Variants in LCMT1 observed in about 807,000 individuals in gnomAD.
LCMT1 encodes the protein leucine carboxyl methyltransferase 1.
LCMT1 carries 32 observed loss-of-function variants against 47.7 expected under a neutral mutation model. The observed-to-expected ratio is 0.67, with a 90% CI of 0.51 to 0.90. The LOEUF is 0.90. Ranked by LOEUF, LCMT1 falls within the 40% of genes least tolerant of loss-of-function variation. LCMT1 has a pLI of 0.00. For missense variants in LCMT1, 375 were observed against 415.2 expected (o/e 0.90, Z 0.84); for synonymous variants, 152 against 149.7 (o/e 1.02, Z -0.11).
intron 1 of LCMT1, among the ~76,000 whole-genome samples, chr16:25,125,473 A>G (rs1026687953): frequency 1.3e-5 from 2 of 152,180 alleles, no homozygotes; most frequent in African/African-American, 4.8e-5. Context: ...TGATTGTGCC[A>G]GTTTAAGGTT....
intron 1 of LCMT1, among the ~76,000 whole-genome samples, chr16:25,128,132 C>T (rs1262707482): frequency 6.6e-6 from 1 of 152,126 alleles, no homozygotes; most frequent in African/African-American, 2.4e-5. Context: ...TAGCTCTGGC[C>T]ATGAGTTTGC....
At chr16:25,117,417 A>G (rs960611786) in intron 1 of LCMT1, among the ~76,000 whole-genome samples, 24 of 152,204 alleles carry the variant, frequency 1.6e-4, no homozygotes, top group Non-Finnish European at 1.5e-5. Flanking sequence ...CTAGCCTGAT[A>G]GGCCGCCGGC....
At chr16:25,154,215 T>C (rs1409701576) in intron 5 of LCMT1, among the ~76,000 whole-genome samples, 7 of 151,348 alleles carry the variant, frequency 4.6e-5, no homozygotes, top group Non-Finnish European at 5.9e-5. Context: ...GGTTTCAGCA[T>C]GTTGGTCAGG....
At chr16:25,175,967 A>T (rs1240415976) in intron 10 of LCMT1, among the ~76,000 whole-genome samples, 3 of 152,160 alleles carry the variant, frequency 2.0e-5, no homozygotes, top group Admixed American at 6.5e-5. Context: ...AGAGTTTAAA[A>T]ATCTCTAGAA....
At chr16:25,143,154 G>A (rs543841472) in intron 4 of LCMT1, 2 of 152,234 alleles carry the variant, frequency 1.3e-5, no homozygotes, top group African/African-American at 2.4e-5. Context: ...GTCCTAAATC[G>A]ATACTGTAAT....
intron 4 of LCMT1, chr16:25,149,161 G>C (rs1960987292): frequency 1.3e-5 from 2 of 152,206 alleles, no homozygotes; most frequent in Admixed American, 1.3e-4. Flanking sequence ...CTGCGGGCGG[G>C]GCGACATGCA....
chr16:25,170,271 A>G (rs547298791), intron 8 of LCMT1, among the ~76,000 whole-genome samples: 10 of 152,152 alleles, frequency 6.6e-5, no homozygotes, highest in Admixed American at 5.2e-4. Context: ...CTTTTGTCAC[A>G]TAACAATTAG....
At chr16:25,139,034 G>C (rs976882962) in intron 3 of LCMT1, among the ~76,000 whole-genome samples, 5 of 151,962 alleles carry the variant, frequency 3.3e-5, no homozygotes, top group African/African-American at 1.2e-4. Context: ...CCGTTTCCCG[G>C]GTTCAAGCAA....
At chr16:25,148,220 A>C (rs971065791) in intron 4 of LCMT1, 3 of 152,310 alleles carry the variant, frequency 2.0e-5, no homozygotes, top group African/African-American at 7.2e-5. Context: ...CAGCAGGTCC[A>C]GGTTCTACTG....
chr16:25,120,750 TTG>T lies in LCMT1; in HGVS notation c.114-7723_114-7722del, dbSNP rs1304605798. Among the ~76,000 whole-genome samples, 120 of 143,848 alleles carry T rather than the reference TTG, an allele frequency of 8.3e-4. 3 individuals carry two copies. The highest frequency in any genetic ancestry group is 3.1e-3 in the African/African-American group (116 of 37,878). 94.4% of individuals were successfully genotyped at this position (143,848 alleles called of 152,430 possible). ...GGCCTTGTTTTTTTGTTTTTTTTTT[TTG>T]TTTTTTTTTTTTTGAGATGAGGTCT... On this transcript the variant is annotated intron_variant, in intron 1 of 10. Coordinates refer to ENST00000399069, the MANE Select transcript of LCMT1 (RefSeq NM_016309.3).
chr16:25,164,357 A>G (rs911743260), intron 6 of LCMT1, among the ~76,000 whole-genome samples: 1 of 152,170 alleles, frequency 6.6e-6, no homozygotes, highest in Non-Finnish European at 1.5e-5. Context: ...TCCACCACAC[A>G]TGCTCAACAT....
chr16:25,153,144 T>A (rs1961131206), intron 5 of LCMT1, among the ~76,000 whole-genome samples: 1 of 152,154 alleles, frequency 6.6e-6, no homozygotes, highest in Non-Finnish European at 1.5e-5. Context: ...AGCCCACTCC[T>A]CCAGATTCTT....
At chr16:25,166,728 T>G (rs1961602556) in intron 7 of LCMT1, among the ~76,000 whole-genome samples, 1 of 152,210 alleles carries the variant, frequency 6.6e-6, no homozygotes, top group South Asian at 2.1e-4. Context: ...GGCTAGCCCT[T>G]GGTCTCTCAG....
At chr16:25,171,821 G>T (rs779081975) in intron 9 of LCMT1, among the ~76,000 whole-genome samples, 27 of 152,176 alleles carry the variant, frequency 1.8e-4, no homozygotes, top group Non-Finnish European at 1.0e-4. Context: ...GGAGGTAGCA[G>T]TTCTTAACAT....
At chr16:25,151,747 T>C in intron 5 of LCMT1, 132 bp downstream of exon 5, 1 of 592,070 alleles carries the variant, frequency 1.7e-6, no homozygotes, top group Non-Finnish European at 2.9e-6. Context: ...TATTGTCAAC[T>C]GAAGAATGAC....
At chr16:25,129,529 C>T (rs1960289982) in intron 2 of LCMT1, among the ~76,000 whole-genome samples, 2 of 152,108 alleles carry the variant, frequency 1.3e-5, no homozygotes, top group Non-Finnish European at 2.9e-5. Flanking sequence ...TAAACTGTCC[C>T]TATCAGGAAT....
rs73563430 is a variant in LCMT1 at position 25,131,304 on chromosome 16, C to T, written c.206-1098C>T. Among the ~76,000 whole-genome samples the T allele has an allele frequency of 9.9e-3, 1,514 of 152,374 alleles. 26 individuals are homozygous for T. The highest frequency in any genetic ancestry group is 0.035 in the African/African-American group (1,446 of 41,584). ...CTAACAAATGCTGCACAGGCAAAGA[C>T]CCCCACCCCACGCCCTGGCGGCACC... On this transcript the variant is annotated intron_variant, in intron 2 of 10. Transcript: ENST00000399069.
rs1294679170 is a variant in LCMT1, at chr16:25,132,491, G to T, written c.295G>T (p.Ala99Ser). The T allele has an allele frequency of 5.0e-6, 8 of 1,613,748 alleles. No homozygotes were observed. The highest frequency in any genetic ancestry group is 6.8e-6 in the Non-Finnish European group (8 of 1,179,838). Residue 99 changes from alanine (A) to serine (S), a missense_variant, in exon 3 of 11, where the codon GCA becomes TCA. Ala to Ser is a moderately conservative substitution (Grantham distance 99, BLOSUM62 1). Transcript: ENST00000399069. ...ECHCQIVNLG[A>S]GMDTTFWRLK... ...TCATTGTCAAATTGTCAACCTTGGGGCAGGCATGGATACCACCTTCTGGAG... is the reference window on the plus strand; with the variant it reads ...TCATTGTCAAATTGTCAACCTTGGGTCAGGCATGGATACCACCTTCTGGAG...
chr16:25,129,779 T>C (rs1322907804), intron 2 of LCMT1, among the ~76,000 whole-genome samples: 1 of 152,210 alleles, frequency 6.6e-6, no homozygotes, highest in East Asian at 1.9e-4. Context: ...CCAAAGGCTT[T>C]TGTATATTTC....
Sources: allele counts gnomAD v4.1 joint callset (sites outside exome capture counted in the v4.1 genomes callset), GRCh38; gene constraint gnomAD v4.1.1; transcripts MANE v1.5; gene names NCBI Gene and HGNC (gene_info 2026-07-23, HGNC 2026-07-21).